Variants in UTP6 observed in about 807,000 individuals in gnomAD.
The protein encoded by UTP6 is UTP6 small subunit processome component.
UTP6 carries 60 observed loss-of-function variants against 96.5 expected under a neutral mutation model. The observed-to-expected ratio is 0.62, with a 90% CI of 0.51 to 0.77. The LOEUF (loss-of-function observed/expected upper bound fraction) is 0.77, where lower values mean the gene tolerates loss of function less well. UTP6 is among the 30% of genes least tolerant of loss of function. The pLI is 0.00. For synonymous variants in UTP6, 215 were observed against 240.1 expected (o/e 0.90, Z 0.96); for missense variants, 637 against 706.5 (o/e 0.90, Z 1.12).
chr17:31,898,685 C>T (rs975758508), intron 2 of UTP6, among the ~76,000 whole-genome samples: 63 of 151,518 alleles, frequency 4.2e-4, no homozygotes, highest in African/African-American at 1.4e-3. Context: ...GCCTGGGTGA[C>T]ACAGAGAGAC....
In UTP6 at chr17:31,892,177, C is replaced by G. The variant is rs1023251023; in HGVS notation, c.424+83G>C. The G allele has an allele frequency of 7.0e-5, 103 of 1,466,576 alleles. No homozygotes were observed. The African/African-American group carries it at 1.3e-3, about 18-fold the overall frequency. 90.8% of individuals were successfully genotyped at this position (1,466,576 alleles called of 1,614,324 possible). A position where few individuals can be genotyped will look rare whatever the true frequency, so the allele number is the denominator to read the frequency against. ...AGCTCAAGTCCTCAAAATAATTTCT[C>G]TTAGATTCATCAATCGAAATAAAAT... On this transcript the variant is annotated intron_variant, in intron 6 of 18. Transcript: ENST00000261708.
At chr17:31,878,216 T>C (rs1207918383) in intron 13 of UTP6, 34 bp downstream of exon 13, 1 of 1,606,706 alleles carries the variant, frequency 6.2e-7, no homozygotes, top group Non-Finnish European at 8.5e-7. Flanking sequence ...AAGGTATTTG[T>C]AACTGGCACA....
At chr17:31,895,829 C>T (rs896705959) in intron 2 of UTP6, among the ~76,000 whole-genome samples, 18 of 151,608 alleles carry the variant, frequency 1.2e-4, no homozygotes, top group African/African-American at 3.1e-4. Flanking sequence ...CCACCGTGCC[C>T]GGCCCATCAA....
chr17:31,876,017 G>A (rs1416459812), intron 13 of UTP6, among the ~76,000 whole-genome samples: 1 of 151,804 alleles, frequency 6.6e-6, no homozygotes, highest in Non-Finnish European at 1.5e-5. Flanking sequence ...TAGACTGTAA[G>A]TTAGGTTTTT....
intron 7 of UTP6, 86 bp from the exon 8 acceptor site, chr17:31,887,399 G>T: frequency 1.9e-6 from 2 of 1,053,510 alleles, no homozygotes; most frequent in Non-Finnish European, 1.4e-6. Flanking sequence ...ACCCAAGCTG[G>T]AGTGCACTGG....
At chr17:31,867,961 A>C in intron 17 of UTP6, 85 bp downstream of exon 17, 1 of 1,434,042 alleles carries the variant, frequency 7.0e-7, no homozygotes, top group Non-Finnish European at 9.5e-7. Flanking sequence ...GCCTCAAAAA[A>C]AACAAAAAAA....
rs144532221 is a variant in UTP6, at chr17:31,888,430, C to A, written c.543+855G>T. Among the ~76,000 whole-genome samples, 692 of 152,146 alleles carry A rather than the reference C, an allele frequency of 4.5e-3. 2 individuals carry two copies. Among genetic ancestry groups the A allele is most frequent in the African/African-American group, 0.016 (664 of 41,514 alleles). On this transcript the variant is annotated intron_variant, in intron 7 of 18. Coordinates refer to ENST00000261708, the MANE Select transcript of UTP6 (RefSeq NM_018428.3). ...CTACAAAAAGATGTTTTTCCCTGGC[C>A]GGGCATGGTGGTTCACACCTGTAAT...
Position 31,871,475 on chromosome 17 carries a change from C to T in UTP6, c.1496+1903G>A, listed in dbSNP as rs559673598. Among the ~76,000 whole-genome samples, 8 of 152,216 alleles carry T rather than the reference C, an allele frequency of 5.3e-5. No homozygotes were observed. In the South Asian group the frequency reaches 6.2e-4, roughly 12 times the overall value. On this transcript the variant is annotated intron_variant, in intron 16 of 18. Transcript: ENST00000261708. ...TTTATAAAGAATTTTTGGCTGGGCA[C>T]AGTGCCTCATACCTACAATCCCAGC...
intron 7 of UTP6, chr17:31,887,567 G>A (rs1911223207): frequency 5.7e-6 from 2 of 351,026 alleles, no homozygotes; most frequent in Non-Finnish European, 1.0e-5. Flanking sequence ...TTGCTGCCTG[G>A]CCTGAAACAA....
intron 16 of UTP6, among the ~76,000 whole-genome samples, chr17:31,868,332 T>G (rs964557196): frequency 6.9e-6 from 1 of 144,102 alleles, no homozygotes; most frequent in African/African-American, 2.6e-5. Flanking sequence ...TTGGTTTTTT[T>G]TTTTTTTTTT....
At chr17:31,881,493 T>G (rs763378620) in intron 10 of UTP6, among the ~76,000 whole-genome samples, 132 of 152,150 alleles carry the variant, frequency 8.7e-4, no homozygotes, top group Non-Finnish European at 1.4e-3. Flanking sequence ...GGTCTCAAAC[T>G]CTTGACCTCA....
At chr17:31,896,103 A>T (rs1312663824) in intron 2 of UTP6, among the ~76,000 whole-genome samples, 1 of 149,386 alleles carries the variant, frequency 6.7e-6, no homozygotes, top group African/African-American at 2.5e-5. Flanking sequence ...TTTGAGATGG[A>T]GTCTCGCTCT....
At chr17:31,867,991 T>C (rs1909923640) in intron 17 of UTP6, 55 bp downstream of exon 17, 2 of 1,564,936 alleles carry the variant, frequency 1.3e-6, no homozygotes, top group Non-Finnish European at 1.7e-6. Flanking sequence ...GTCTGATAGA[T>C]TAGTAACCAC....
At chr17:31,877,103 G>A (rs1910542652) in intron 13 of UTP6, among the ~76,000 whole-genome samples, 2 of 152,150 alleles carry the variant, frequency 1.3e-5, no homozygotes, top group South Asian at 4.1e-4. Context: ...AAACAGAGTT[G>A]GACATAACAT....
Position 31,885,290 on chromosome 17 carries a change from G to A in UTP6, c.703+690C>T, listed in dbSNP as rs367630889. On this transcript the variant is annotated intron_variant, in intron 9 of 18. Transcript: ENST00000261708. ...CTCCCAAGTAGCTGGGATTACAGGCGCCCACCACCACACCCAGCTAATTTT... is the reference window on the plus strand; with the variant it reads ...CTCCCAAGTAGCTGGGATTACAGGCACCCACCACCACACCCAGCTAATTTT... Among the ~76,000 whole-genome samples the A allele has an allele frequency of 2.5e-3, 382 of 151,300 alleles. 1 individual carries two copies. Among genetic ancestry groups the A allele is most frequent in the African/African-American group, 8.4e-3 (348 of 41,334 alleles).
In UTP6 at chr17:31,865,287, AC is replaced by A. The variant is rs558827970; in HGVS notation, c.1636+78del. Reference sequence around the variant, plus strand: ...CTTGGCCTCCCAAAGTGCTGGGATTACAGGCATGAGCCACTGTACTCAGCCA... The same window carrying A: ...CTTGGCCTCCCAAAGTGCTGGGATTAAGGCATGAGCCACTGTACTCAGCCA... On this transcript the variant is annotated intron_variant, in intron 18 of 18. Coordinates refer to ENST00000261708, the MANE Select transcript of UTP6 (RefSeq NM_018428.3). 1.2e-4 allele frequency: 173 copies of A among 1,464,872 alleles called. 1 individual carries two copies. The South Asian group carries it at 1.9e-3, about 16-fold the overall frequency. The allele number at this position is 1,464,872 out of a possible 1,614,324, so 90.7% of individuals were successfully genotyped here.
chr17:31,864,742 C>A (rs1057474323), intron 18 of UTP6, among the ~76,000 whole-genome samples: 2 of 151,878 alleles, frequency 1.3e-5, no homozygotes, highest in Non-Finnish European at 2.9e-5. Context: ...CGCACCTCAG[C>A]CTGCTGTGTA....
intron 10 of UTP6, 107 bp from the exon 11 acceptor site, chr17:31,880,861 A>T (rs1286184915): frequency 1.4e-6 from 2 of 1,448,084 alleles, no homozygotes; most frequent in African/African-American, 2.8e-5. Context: ...CATCCCTGTA[A>T]CAACTGCAGT....
Position 31,892,613 on chromosome 17 carries a change from T to C in UTP6, c.360+134A>G, listed in dbSNP as rs3744613. The C allele has an allele frequency of 1.7e-3, 1,674 of 985,428 alleles. 17 individuals carry two copies. The East Asian group carries it at 0.024, about 14-fold the overall frequency. The allele number at this position is 985,428 out of a possible 1,614,324, so 61.0% of individuals were successfully genotyped here. On this transcript the variant is annotated intron_variant, in intron 5 of 18. Coordinates refer to ENST00000261708, the MANE Select transcript of UTP6 (RefSeq NM_018428.3). ...AGTCATTCAGATATCCAATGTTATATTGATGTTCCGCCTTCTTGGGTTCTT... is the reference window on the plus strand; with the variant it reads ...AGTCATTCAGATATCCAATGTTATACTGATGTTCCGCCTTCTTGGGTTCTT...
Sources: gnomAD v4.1 joint callset for allele counts (sites outside exome capture counted in the v4.1 genomes callset) on GRCh38, gnomAD v4.1.1 for gene constraint, MANE v1.5 for transcripts, NCBI Gene and HGNC (gene_info 2026-07-23, HGNC 2026-07-21) for gene names.